INO80C: variants seen among roughly 807,000 people sequenced by gnomAD.
INO80C encodes the protein IES6 homolog.
INO80C carries 17 observed loss-of-function variants against 17.7 expected under a neutral mutation model. The observed-to-expected ratio is 0.96, with a 90% CI of 0.66 to 1.44. The LOEUF (loss-of-function observed/expected upper bound fraction) is 1.44, where lower values mean the gene tolerates loss of function less well. Ranked by LOEUF, INO80C falls within the 40% of genes most tolerant of loss-of-function variation. INO80C has a pLI of 0.00. For missense variants in INO80C, 244 were observed against 245.0 expected, an observed-to-expected ratio of 1.00 and a Z score of 0.03; for synonymous variants, 96 against 95.8, an observed-to-expected ratio of 1.00 and a Z score of -0.01.
In INO80C at chr18:35,479,306, G is replaced by T. The variant is rs1459205644; in HGVS notation, c.373C>A (p.Pro125Thr). ...AAGGCTCTAGACAGCTCACAGTTAG[G>T]ATCGTTCAGTTGCCACGGCAATGCC... ...ERALPWQLNDPNYFSIDAPPS... is the reference protein window; with the variant it reads ...ERALPWQLNDTNYFSIDAPPS... The change falls in exon 3 of 5, where the codon CCT (proline) becomes ACT (threonine). Residue 125 changes from proline (P) to threonine (T), a missense_variant. Physicochemically the swap from Pro to Thr is conservative, Grantham distance 38. Transcript: ENST00000334598. 1 of 1,605,376 alleles carries T rather than the reference G, an allele frequency of 6.2e-7. No homozygotes were observed. Among genetic ancestry groups the T allele is most frequent in the Non-Finnish European group, 8.5e-7 (1 of 1,172,012 alleles).
intron 1 of INO80C, chr18:35,487,450 A>G (rs1287022266): frequency 3.0e-6 from 1 of 336,300 alleles, no homozygotes; most frequent in Non-Finnish European, 5.9e-6. Flanking sequence ...CTTACGTGGC[A>G]GCAGGCAAGA....
At chr18:35,486,743 C>A (rs1238853771) in intron 1 of INO80C, among the ~76,000 whole-genome samples, 1 of 145,788 alleles carries the variant, frequency 6.9e-6, no homozygotes, top group Admixed American at 6.9e-5. Context: ...CTGGCAATAG[C>A]CACTGCATTC....
Position 35,468,588 on chromosome 18 carries a change from C to T in INO80C, c.*23G>A. ...AGAGTCTGTTTTTGAAACAGCTTTC[C>T]ACTTCATCTCCCTTTCTGGGGCTCA... is the stretch of plus-strand genomic sequence containing the variant. On this transcript the variant is annotated 3_prime_UTR_variant, in exon 5 of 5. Coordinates refer to ENST00000334598, the MANE Select transcript of INO80C (RefSeq NM_194281.4). 6.2e-7 allele frequency: 1 copy of T among 1,613,962 alleles called. No individual in the cohort carries two copies. Among genetic ancestry groups the T allele is most frequent in the Non-Finnish European group, 8.5e-7 (1 of 1,179,950 alleles).
intron 1 of INO80C, among the ~76,000 whole-genome samples, chr18:35,488,665 C>T (rs1374458635): frequency 1.3e-5 from 2 of 152,202 alleles, no homozygotes; most frequent in Non-Finnish European, 2.9e-5. Flanking sequence ...AGACATTTTC[C>T]CCATTGTCTT....
intron 2 of INO80C, among the ~76,000 whole-genome samples, chr18:35,480,117 G>C (rs913996741): frequency 1.1e-4 from 17 of 152,126 alleles, no homozygotes; most frequent in Admixed American, 9.2e-4. Context: ...AACTAATGAG[G>C]AAGTACTTCT....
intron 4 of INO80C, among the ~76,000 whole-genome samples, chr18:35,473,424 G>A (rs775770247): frequency 9.2e-5 from 14 of 152,308 alleles, no homozygotes; most frequent in Non-Finnish European, 2.1e-4. Flanking sequence ...TGGAGCTCAC[G>A]CAGAGCTCAG....
At chr18:35,478,459 T>G in intron 3 of INO80C, 110 bp from the exon 4 acceptor site, 1 of 854,140 alleles carries the variant, frequency 1.2e-6, no homozygotes, top group Non-Finnish European at 1.8e-6. Flanking sequence ...ATTTCCTTTG[T>G]GATTAAGTAG....
At chr18:35,470,378 TCTAGATG>T (rs1431518829) in intron 4 of INO80C, among the ~76,000 whole-genome samples, 6 of 152,198 alleles carry the variant, frequency 3.9e-5, no homozygotes, top group Non-Finnish European at 8.8e-5. Context: ...CTTGGCTTGA[TCTAGATG>T]TTACCTTTCT....
chr18:35,477,419 A>G, intron 4 of INO80C, among the ~76,000 whole-genome samples: 1 of 152,234 alleles, frequency 6.6e-6, no homozygotes, highest in East Asian at 1.9e-4. Context: ...TACATAATTA[A>G]TTTGGTCAAT....
At chr18:35,484,534 T>G (rs1312557108) in intron 1 of INO80C, among the ~76,000 whole-genome samples, 1 of 152,346 alleles carries the variant, frequency 6.6e-6, no homozygotes, top group East Asian at 1.9e-4. Context: ...AAAATGCATC[T>G]TGACTAAACA....
intron 2 of INO80C, among the ~76,000 whole-genome samples, chr18:35,479,948 T>G (rs1398365905): frequency 6.6e-6 from 1 of 151,738 alleles, no homozygotes; most frequent in African/African-American, 2.4e-5. Flanking sequence ...CCAAAATCTG[T>G]TGCAAACACT....
intron 4 of INO80C, among the ~76,000 whole-genome samples, chr18:35,469,582 A>G (rs562822987): frequency 3.9e-5 from 6 of 152,162 alleles, no homozygotes; most frequent in Non-Finnish European, 8.8e-5. Context: ...CTCGGCCCCA[A>G]AGCTACACCT....
chr18:35,493,026 A>G (rs1476357654), intron 1 of INO80C, among the ~76,000 whole-genome samples: 3 of 152,232 alleles, frequency 2.0e-5, no homozygotes, highest in Non-Finnish European at 4.4e-5. Context: ...GGCAGTTAAG[A>G]AAAAAGAATG....
rs752035278 is a variant in INO80C, at chr18:35,480,480, A to C, written c.240T>G (p.Pro80=). 6 of 1,613,762 alleles carry C rather than the reference A, an allele frequency of 3.7e-6. No homozygotes were observed. The South Asian group carries it at 6.6e-5, about 18-fold the overall frequency. The part of the protein sequence containing the change: ...STGPVEKAAK[P]LPFKDPNFVH... ...CAAAGTTGGGATCCTTAAATGGCAAAGGTTTGGCAGCTTTTTCCACAGGTC... is the reference window on the plus strand; with the variant it reads ...CAAAGTTGGGATCCTTAAATGGCAACGGTTTGGCAGCTTTTTCCACAGGTC... The change falls in exon 2 of 5, where the codon CCT becomes CCG. Residue 80 remains proline, a synonymous_variant. Transcript: ENST00000334598.
At chr18:35,478,458 G>T (rs1472887643) in intron 3 of INO80C, 109 bp from the exon 4 acceptor site, 4 of 856,268 alleles carry the variant, frequency 4.7e-6, no homozygotes, top group African/African-American at 3.5e-5. Flanking sequence ...AATTTCCTTT[G>T]TGATTAAGTA....
intron 4 of INO80C, among the ~76,000 whole-genome samples, chr18:35,473,606 A>T (rs1162619931): frequency 1.3e-5 from 2 of 152,170 alleles, no homozygotes; most frequent in East Asian, 1.9e-4. Flanking sequence ...AGTGGTTAAG[A>T]GGGAAAGAGA....
chr18:35,485,880 T>G (rs997839013), intron 1 of INO80C, among the ~76,000 whole-genome samples: 1 of 152,174 alleles, frequency 6.6e-6, no homozygotes, highest in Admixed American at 6.5e-5. Flanking sequence ...ATCCCAACAC[T>G]TTGGGAGGCT....
chr18:35,476,460 A>C (rs2045737208), intron 4 of INO80C, among the ~76,000 whole-genome samples: 1 of 152,238 alleles, frequency 6.6e-6, no homozygotes, highest in East Asian at 1.9e-4. Context: ...GCAGAAACTG[A>C]GTTTGGGTTA....
At chr18:35,495,631 G>T (rs1217765063) in intron 1 of INO80C, among the ~76,000 whole-genome samples, 1 of 152,172 alleles carries the variant, frequency 6.6e-6, no homozygotes, top group Non-Finnish European at 1.5e-5. Flanking sequence ...GGTAGTGGAA[G>T]TTGATCAACA....
Sources: gnomAD v4.1 joint callset for allele counts (sites outside exome capture counted in the v4.1 genomes callset) on GRCh38, gnomAD v4.1.1 for gene constraint, MANE v1.5 for transcripts, NCBI Gene and HGNC (gene_info 2026-07-23, HGNC 2026-07-21) for gene names.